Variants in RASAL2 observed in about 807,000 individuals in gnomAD.
RASAL2 encodes RAS protein activator like 2.
Under a neutral mutation model 128.9 loss-of-function variants are expected in RASAL2, and 58 were observed. The ratio of observed to expected loss-of-function variants is 0.45; its 90% confidence interval spans 0.36 to 0.56. RASAL2 has a LOEUF of 0.56. RASAL2 is among the 20% of genes least tolerant of loss of function. The pLI, the probability that RASAL2 is intolerant of heterozygous loss-of-function variation, is 0.00. For missense variants in RASAL2, 1,360 were observed against 1,601.6 expected (o/e 0.85, Z 2.57); for synonymous variants, 561 against 580.8 (o/e 0.97, Z 0.49).
chr1:178,189,095 G>C (rs1177682619), intron 1 of RASAL2, among the ~76,000 whole-genome samples: 3 of 152,080 alleles, frequency 2.0e-5, no homozygotes, highest in African/African-American at 7.2e-5. Context: ...GATACCAGCT[G>C]CATCATTATC....
chr1:178,235,101 A>C (rs1313244808), intron 1 of RASAL2, among the ~76,000 whole-genome samples: 2 of 152,126 alleles, frequency 1.3e-5, no homozygotes, highest in African/African-American at 4.8e-5. Context: ...ATTCCATTAA[A>C]ATTTTTGAAA....
At chr1:178,466,856 GA>G (rs1412969074) in intron 16 of RASAL2, among the ~76,000 whole-genome samples, 2 of 152,168 alleles carry the variant, frequency 1.3e-5, no homozygotes, top group Admixed American at 6.5e-5. Flanking sequence ...CAGTCTTACT[GA>G]GAGGTGTTTG....
At chr1:178,206,912 C>G (rs977574554) in intron 1 of RASAL2, among the ~76,000 whole-genome samples, 4 of 152,098 alleles carry the variant, frequency 2.6e-5, no homozygotes, top group Non-Finnish European at 5.9e-5. Context: ...AGGTGGCTTA[C>G]TCCTGTAGTC....
chr1:178,132,305 C>T (rs1480002427), intron 1 of RASAL2, among the ~76,000 whole-genome samples: 1 of 151,764 alleles, frequency 6.6e-6, no homozygotes, highest in Non-Finnish European at 1.5e-5. Flanking sequence ...GATTCTCCTG[C>T]CTTGGCCTCC....
intron 1 of RASAL2, among the ~76,000 whole-genome samples, chr1:178,135,397 C>CA (rs1660283580): frequency 1.3e-5 from 2 of 149,622 alleles, no homozygotes; most frequent in Non-Finnish European, 3.0e-5. Flanking sequence ...CCTTGTATTT[C>CA]CAGAATACTT....
rs565990966 is a variant in RASAL2 at position 178,408,937 on chromosome 1, G to A, written c.565-11574G>A. Among the ~76,000 whole-genome samples the A allele has an allele frequency of 2.6e-5, 4 of 152,208 alleles. No individual in the cohort carries two copies. In the East Asian group the frequency reaches 5.8e-4, roughly 22 times the overall value. On this transcript the variant is annotated intron_variant, in intron 4 of 17. Transcript: ENST00000367649. ...TGTATTAGTCTGTTTTCACACTACTGTAAAGAACTACCTGAGACTGGGTAA... is the reference window on the plus strand; with the variant it reads ...TGTATTAGTCTGTTTTCACACTACTATAAAGAACTACCTGAGACTGGGTAA...
chr1:178,207,035 A>T (rs1383558305), intron 1 of RASAL2, among the ~76,000 whole-genome samples: 2 of 151,912 alleles, frequency 1.3e-5, no homozygotes, highest in East Asian at 3.9e-4. Flanking sequence ...TATATATATT[A>T]GCTGGGCATG....
intron 5 of RASAL2, among the ~76,000 whole-genome samples, chr1:178,424,079 C>G (rs1231827027): frequency 6.6e-6 from 1 of 152,008 alleles, no homozygotes; most frequent in Non-Finnish European, 1.5e-5. Flanking sequence ...GGACCTGTTT[C>G]TTGTTAAATT....
intron 3 of RASAL2, among the ~76,000 whole-genome samples, chr1:178,352,091 G>A (rs1239991810): frequency 6.6e-6 from 1 of 152,156 alleles, no homozygotes; most frequent in East Asian, 1.9e-4. Flanking sequence ...GCCAACAACT[G>A]TTCCAGAATG....
intron 3 of RASAL2, among the ~76,000 whole-genome samples, chr1:178,382,829 T>C (rs1460525771): frequency 6.6e-6 from 1 of 152,196 alleles, no homozygotes; most frequent in Non-Finnish European, 1.5e-5. Flanking sequence ...ATCATCATCA[T>C]TAAGATACCC....
intron 3 of RASAL2, among the ~76,000 whole-genome samples, chr1:178,344,275 G>A (rs1208309613): frequency 1.3e-5 from 2 of 152,176 alleles, no homozygotes; most frequent in African/African-American, 4.8e-5. Flanking sequence ...CTCATTGAAA[G>A]GAACTGCTTT....
intron 1 of RASAL2, among the ~76,000 whole-genome samples, chr1:178,115,587 GA>G (rs1397365123): frequency 2.0e-5 from 3 of 152,220 alleles, no homozygotes; most frequent in African/African-American, 7.2e-5. Context: ...GAGGAACTCT[GA>G]ATAAAGGCTG....
At chr1:178,228,548 C>T (rs1462932240) in intron 1 of RASAL2, among the ~76,000 whole-genome samples, 2 of 152,012 alleles carry the variant, frequency 1.3e-5, no homozygotes, top group Non-Finnish European at 2.9e-5. Flanking sequence ...CCACTGCACT[C>T]CTGGGTAACA....
intron 1 of RASAL2, among the ~76,000 whole-genome samples, chr1:178,128,101 G>A (rs889204154): frequency 4.6e-5 from 7 of 151,948 alleles, no homozygotes; most frequent in South Asian, 2.1e-4. Flanking sequence ...TCATCAACCC[G>A]GTTCTTCTGA....
chr1:178,349,094 C>T (rs1332930299), intron 3 of RASAL2, among the ~76,000 whole-genome samples: 3 of 151,020 alleles, frequency 2.0e-5, no homozygotes, highest in Non-Finnish European at 3.0e-5. Context: ...CCACCGCGCC[C>T]GGCCCGACAC....
intron 3 of RASAL2, among the ~76,000 whole-genome samples, chr1:178,385,775 G>A (rs537495341): frequency 8.5e-5 from 13 of 152,088 alleles, no homozygotes; most frequent in South Asian, 6.2e-4. Flanking sequence ...CCACTCACTG[G>A]CACCAATCCC....
Position 178,466,060 on chromosome 1 carries a change from C to T in RASAL2, c.3528C>T (p.Ser1176=), listed in dbSNP as rs760343271. 32 of 1,582,406 alleles carry T rather than the reference C, an allele frequency of 2.0e-5. No individual in the cohort carries two copies. Among genetic ancestry groups the T allele is most frequent in the African/African-American group, 2.7e-5 (2 of 74,236 alleles). The change falls in exon 16 of 18, where the codon AGC becomes AGT. Residue 1176 remains serine (S), a synonymous_variant. Coordinates refer to ENST00000367649, the MANE Select transcript of RASAL2 (RefSeq NM_170692.4). The part of the protein sequence containing the change: ...LLEYKARLED[S]EERLRRQQEE... ...AATACAAGGCCCGACTGGAGGACAG[C>T]GAGGAGCGGCTCCGAAGACAGCAGG... is the stretch of plus-strand genomic sequence containing the variant.
At chr1:178,449,122 T>G (rs1196214093) in intron 9 of RASAL2, among the ~76,000 whole-genome samples, 1 of 152,160 alleles carries the variant, frequency 6.6e-6, no homozygotes, top group East Asian at 1.9e-4. Context: ...TGAAGAATTT[T>G]CAGAGAGAAT....
At chr1:178,154,080 C>T (rs1174567659) in intron 1 of RASAL2, among the ~76,000 whole-genome samples, 1 of 152,020 alleles carries the variant, frequency 6.6e-6, no homozygotes, top group African/African-American at 2.4e-5. Flanking sequence ...AGGTGATCCA[C>T]CTGCCTCAGC....
Sources: gnomAD v4.1 joint callset for allele counts (sites outside exome capture counted in the v4.1 genomes callset) on GRCh38, gnomAD v4.1.1 for gene constraint, MANE v1.5 for transcripts, NCBI Gene and HGNC (gene_info 2026-07-23, HGNC 2026-07-21) for gene names.